ADORA1: variants seen among roughly 807,000 people sequenced by gnomAD.
ADORA1 encodes the protein adenosine receptor A1.
In ADORA1, 6 loss-of-function variants were observed where a neutral mutation model predicts 19.9. The observed-to-expected ratio is 0.30, with a 90% CI of 0.17 to 0.59. The LOEUF is 0.59. Ranked by LOEUF, ADORA1 falls within the 20% of genes least tolerant of loss-of-function variation. The pLI is 0.87. For synonymous variants in ADORA1, 194 were observed against 188.4 expected (o/e 1.03, Z -0.24); for missense variants, 302 against 439.2 (o/e 0.69, Z 2.79).
At chr1:203,163,072 C>T (rs2102767271) in intron 3 of ADORA1, among the ~76,000 whole-genome samples, 1 of 152,272 alleles carries the variant, frequency 6.6e-6, no homozygotes, top group South Asian at 2.1e-4. Flanking sequence ...TGAGAGGACA[C>T]CATATCTGTG....
rs974082035 is a variant in ADORA1 at position 203,166,066 on chromosome 1, G to C, written c.*166G>C. The C allele has an allele frequency of 1.1e-6, 1 of 917,066 alleles. No homozygotes were observed. The highest frequency in any genetic ancestry group is 1.7e-5 in the African/African-American group (1 of 60,030). 56.8% of individuals were successfully genotyped at this position (917,066 alleles called of 1,614,324 possible). On this transcript the variant is annotated 3_prime_UTR_variant, in exon 4 of 4. Coordinates refer to ENST00000337894, the MANE Select transcript of ADORA1 (RefSeq NM_000674.3). Reference sequence around the variant, plus strand: ...CCACAGAGTGTGGTCCCTCCACTAGGAGTTAACTACCCTACACCTCTGGGC... The same window carrying C: ...CCACAGAGTGTGGTCCCTCCACTAGCAGTTAACTACCCTACACCTCTGGGC...
intron 3 of ADORA1, among the ~76,000 whole-genome samples, chr1:203,156,642 A>T (rs1002585809): frequency 6.5e-4 from 99 of 152,030 alleles, no homozygotes; most frequent in Admixed American, 6.3e-3. Flanking sequence ...CATCTTGTTG[A>T]CTCTTTCTCT....
rs1654207278 is a variant in ADORA1 at position 203,128,104 on chromosome 1, G to C, written c.-212-174G>C. 3.1e-6 allele frequency: 1 copy of C among 319,178 alleles called. No individual in the cohort carries two copies. Among genetic ancestry groups the C allele is most frequent in the East Asian group, 9.5e-5 (1 of 10,526 alleles). The allele number at this position is 319,178 out of a possible 1,614,324, so 19.8% of individuals were successfully genotyped here. A position where few individuals can be genotyped will look rare whatever the true frequency, so the allele number is the denominator to read the frequency against. On this transcript the variant is annotated intron_variant, in intron 1 of 3. Transcript: ENST00000337894. The surrounding 1 kb of genome is among the most constrained non-coding windows in gnomAD (Gnocchi z 5.9). ...GCACCAGACGGGTCTCAAGTGGGTGGGCGCAGGGCAGGTGCGGGCACGCTG... is the reference window on the plus strand; with the variant it reads ...GCACCAGACGGGTCTCAAGTGGGTGCGCGCAGGGCAGGTGCGGGCACGCTG...
chr1:203,140,827 A>C (rs894884807), intron 3 of ADORA1, among the ~76,000 whole-genome samples: 1 of 152,196 alleles, frequency 6.6e-6, no homozygotes, highest in African/African-American at 2.4e-5. Flanking sequence ...AATGTGGCAC[A>C]GTGGCTTCTG....
At chr1:203,142,921 C>T (rs546295978) in intron 3 of ADORA1, among the ~76,000 whole-genome samples, 2 of 152,272 alleles carry the variant, frequency 1.3e-5, no homozygotes, top group East Asian at 3.9e-4. Flanking sequence ...CACACACCTG[C>T]CGCAATGCCC....
chr1:203,136,786 C>T (rs1486973551), intron 3 of ADORA1, among the ~76,000 whole-genome samples: 2 of 152,188 alleles, frequency 1.3e-5, no homozygotes, highest in African/African-American at 4.8e-5. Flanking sequence ...CTTGCTTCCC[C>T]TTTGAGAGAG....
chr1:203,128,991 G>T lies in ADORA1; in HGVS notation c.150G>T (p.Ser50=), dbSNP rs138340304. The change falls in exon 3 of 4, where the codon TCG becomes TCT. Residue 50 remains serine, a synonymous_variant. Transcript: ENST00000337894. The surrounding 1 kb of genome is among the most constrained non-coding windows in gnomAD (Gnocchi z 5.9). ...ATGCCACCTTCTGCTTCATCGTGTC[G>T]CTGGCGGTGGCTGATGTGGCCGTGG... ...LRDATFCFIV[S]LAVADVAVGA... 3 of 1,614,040 alleles carry T rather than the reference G, an allele frequency of 1.9e-6. No homozygotes were observed. Among genetic ancestry groups the T allele is most frequent in the East Asian group, 2.2e-5 (1 of 44,884 alleles).
In ADORA1 at chr1:203,160,021, G is replaced by A. The variant is rs575118128; in HGVS notation, c.342-5240G>A. Among the ~76,000 whole-genome samples the A allele has an allele frequency of 7.2e-5, 11 of 152,338 alleles. No homozygotes were observed. In the South Asian group the frequency reaches 2.3e-3, roughly 32 times the overall value. On this transcript the variant is annotated intron_variant, in intron 3 of 3. Coordinates refer to ENST00000337894, the MANE Select transcript of ADORA1 (RefSeq NM_000674.3). ...GCTTGCCTTCTGGGCCCTAGCCATG[G>A]CTCCTTTCTCCTGCTCCAAGCTTCC... is the stretch of plus-strand genomic sequence containing the variant.
At chr1:203,151,973 C>T (rs1655051941) in intron 3 of ADORA1, among the ~76,000 whole-genome samples, 1 of 152,216 alleles carries the variant, frequency 6.6e-6, no homozygotes, top group African/African-American at 2.4e-5. Context: ...CTGGGCTCCT[C>T]CTCCCCACAA....
chr1:203,163,961 G>A (rs546422345), intron 3 of ADORA1, among the ~76,000 whole-genome samples: 40 of 152,322 alleles, frequency 2.6e-4, no homozygotes, highest in Non-Finnish European at 3.2e-4. Context: ...AGCCGCATTG[G>A]AAAATAACAA....
At chr1:203,164,667 G>A (rs925622495) in intron 3 of ADORA1, among the ~76,000 whole-genome samples, 4 of 152,104 alleles carry the variant, frequency 2.6e-5, no homozygotes, top group African/African-American at 9.7e-5. Flanking sequence ...AAGGGAAGGG[G>A]GGTTGTGTGA....
intron 3 of ADORA1, among the ~76,000 whole-genome samples, chr1:203,146,047 C>A (rs1032208760): frequency 5.3e-5 from 8 of 152,100 alleles, no homozygotes; most frequent in African/African-American, 1.9e-4. Flanking sequence ...TCCCTTCCTC[C>A]TTCCAGCTCC....
In ADORA1 at chr1:203,128,775, G is replaced by T; in HGVS notation, c.-57-10G>T. 6.5e-7 allele frequency: 1 copy of T among 1,528,974 alleles called. No individual in the cohort carries two copies. Among genetic ancestry groups the T allele is most frequent in the South Asian group, 1.3e-5 (1 of 79,078 alleles). 94.7% of individuals were successfully genotyped at this position (1,528,974 alleles called of 1,614,324 possible). Reference sequence around the variant, plus strand: ...GGGTCTCCCCATCCCAGGCTTCCCTGACCACACAGGTGCTTGCCTCGTGCC... The same window carrying T: ...GGGTCTCCCCATCCCAGGCTTCCCTTACCACACAGGTGCTTGCCTCGTGCC... On this transcript the variant is annotated splice_polypyrimidine_tract_variant and intron_variant, in intron 2 of 3. Coordinates refer to ENST00000337894, the MANE Select transcript of ADORA1 (RefSeq NM_000674.3). The surrounding 1 kb of genome is among the most constrained non-coding windows in gnomAD (Gnocchi z 5.9).
chr1:203,146,754 G>A (rs544228404), intron 3 of ADORA1, among the ~76,000 whole-genome samples: 5 of 152,230 alleles, frequency 3.3e-5, no homozygotes, highest in East Asian at 1.9e-4. Flanking sequence ...AGCCAGGCCC[G>A]GTCTGGCCTG....
Position 203,128,099 on chromosome 1 carries a change from G to A in ADORA1, c.-213+171G>A, listed in dbSNP as rs1654207026. 3.2e-6 allele frequency: 1 copy of A among 315,218 alleles called. No individual in the cohort carries two copies. The highest frequency in any genetic ancestry group is 9.7e-5 in the East Asian group (1 of 10,306). The allele number at this position is 315,218 out of a possible 1,614,324, so 19.5% of individuals were successfully genotyped here. On this transcript the variant is annotated intron_variant, in intron 1 of 3. Coordinates refer to ENST00000337894, the MANE Select transcript of ADORA1 (RefSeq NM_000674.3). This position sits in a 1 kb window ranked among gnomAD's most constrained non-coding sequence, Gnocchi z 5.9. ...TCCAGGCACCAGACGGGTCTCAAGT[G>A]GGTGGGCGCAGGGCAGGTGCGGGCA...
chr1:203,163,935 C>T (rs890142732), intron 3 of ADORA1, among the ~76,000 whole-genome samples: 2 of 152,212 alleles, frequency 1.3e-5, no homozygotes, highest in Non-Finnish European at 2.9e-5. Context: ...CAGGAGGGCA[C>T]TCCATCCATT....
rs1460044811 is a variant in ADORA1, at chr1:203,167,336, C to A, written c.*1436C>A. Reference sequence around the variant, plus strand: ...AGGACTTGCTTCCAAGCCCTTCCCTCTGTTGGAAATTGGGTGTGCCCTGGC... The same window carrying A: ...AGGACTTGCTTCCAAGCCCTTCCCTATGTTGGAAATTGGGTGTGCCCTGGC... On this transcript the variant is annotated 3_prime_UTR_variant, in exon 4 of 4. Transcript: ENST00000337894. 6.6e-6 allele frequency: 1 copy of A among 152,296 alleles called. No individual in the cohort carries two copies. The highest frequency in any genetic ancestry group is 1.5e-5 in the Non-Finnish European group (1 of 68,100). The allele number at this position is 152,296 out of a possible 1,614,324, so 9.4% of individuals were successfully genotyped here.
chr1:203,148,800 G>A (rs112380506), intron 3 of ADORA1, among the ~76,000 whole-genome samples: 6 of 152,074 alleles, frequency 3.9e-5, no homozygotes, highest in East Asian at 1.9e-4. Flanking sequence ...TCATGTGTCC[G>A]CCCCTCCCCT....
In ADORA1 at chr1:203,128,333, T is replaced by A. The variant is rs1484937575; in HGVS notation, c.-157T>A. 7.8e-7 allele frequency: 1 copy of A among 1,288,908 alleles called. No homozygotes were observed. The highest frequency in any genetic ancestry group is 5.6e-5 in the East Asian group (1 of 17,978). 79.8% of individuals were successfully genotyped at this position (1,288,908 alleles called of 1,614,324 possible). A position where few individuals can be genotyped will look rare whatever the true frequency, so the allele number is the denominator to read the frequency against. The stretch of plus-strand genomic sequence containing the variant: ...GAGGACTATGAGCTGCCGCGCGTTG[T>A]CCAGAGCCCAGCCCAGCCCTACCGC... On this transcript the variant is annotated 5_prime_UTR_variant, in exon 2 of 4. Coordinates refer to ENST00000337894, the MANE Select transcript of ADORA1 (RefSeq NM_000674.3). This position sits in a 1 kb window ranked among gnomAD's most constrained non-coding sequence, Gnocchi z 5.9.
Sources: allele counts gnomAD v4.1 joint callset (sites outside exome capture counted in the v4.1 genomes callset), GRCh38; gene constraint gnomAD v4.1.1; non-coding constraint Gnocchi (gnomAD v3.1); transcripts MANE v1.5; gene names NCBI Gene and HGNC (gene_info 2026-07-23, HGNC 2026-07-21).